The following ABCA2 variants were observed in gnomAD, a reference collection of about 807,000 sequenced individuals.
ABCA2 encodes the protein ATP-binding cassette sub-family A member 2.
Under a neutral mutation model 262.8 loss-of-function variants are expected in ABCA2, and 84 were observed. The observed-to-expected ratio is 0.32, with a 90% confidence interval of 0.27 to 0.38. The LOEUF is 0.38. ABCA2 is among the 10% of genes least tolerant of loss of function. ABCA2 has a pLI of 1.00. For missense variants in ABCA2, 2,662 were observed against 3,405.9 expected (o/e 0.78, Z 5.44); for synonymous variants, 1,696 against 1,502.9 (o/e 1.13, Z -2.97).
At position 137,011,010 on chromosome 9, in the gene ABCA2, T is replaced by C; in HGVS notation, c.6019A>G (p.Thr2007Ala). The change falls in exon 39 of 49, where the codon ACC (threonine) becomes GCC (alanine). Residue 2007 changes from threonine to alanine, a missense_variant. Physicochemically the swap from Thr to Ala is moderately conservative, Grantham distance 58. Transcript: ENST00000341511. This position sits in a 1 kb window ranked among gnomAD's most constrained non-coding sequence, Gnocchi z 8.8. ...AGGAAGTTGTACTGGCACATGATGG[T>C]CAGGAGGAAGCCCACGACGCCCTCA... ...AVEGVVGFLL[T>A]IMCQYNFLRR... 1 of 1,592,834 alleles carries C rather than the reference T, an allele frequency of 6.3e-7. No homozygotes were observed. Among genetic ancestry groups the C allele is most frequent in the Non-Finnish European group, 8.5e-7 (1 of 1,171,512 alleles).
chr9:137,016,422 G>C lies in ABCA2; in HGVS notation c.2973C>G (p.Val991=). 6.2e-7 allele frequency: 1 copy of C among 1,612,878 alleles called. No homozygotes were observed. The highest frequency in any genetic ancestry group is 8.5e-7 in the Non-Finnish European group (1 of 1,179,982). Residue 991 remains valine, a synonymous_variant, in exon 21 of 49, where the codon GTC becomes GTG. Transcript: ENST00000341511. ...AGACCTTGGTGAGTTTGTCCACGCA[G>C]ACAACCAGAGGCAGGTGGGTGGGCT... ...EEEPTHLPLV[V]CVDKLTKVYK...
chr9:137,025,493 T>C (rs901998813), intron 1 of ABCA2, among the ~76,000 whole-genome samples: 21 of 152,232 alleles, frequency 1.4e-4, no homozygotes, highest in African/African-American at 4.8e-4. Context: ...CCCCGGTCCC[T>C]GGGGTGGGGG....
rs367716309 is a variant in ABCA2, at chr9:137,009,505, G to T, written c.6734+36C>A. On this transcript the variant is annotated intron_variant, in intron 44 of 48. Transcript: ENST00000341511. ...GCTGGCACCGGAAGGGGTGCTGTGG[G>T]GTGGGGGCACAAAGAGGGGGTGGGG... The T allele has an allele frequency of 4.5e-5, 73 of 1,612,096 alleles. No individual in the cohort carries two copies. The South Asian group carries it at 6.1e-4, about 14-fold the overall frequency.
chr9:137,028,756 G>A (rs752591834), upstream of ABCA2: 1 of 1,284,974 alleles, frequency 7.8e-7, no homozygotes, highest in Non-Finnish European at 1.0e-6. This position sits in a 1 kb window ranked among gnomAD's most constrained non-coding sequence, Gnocchi z 6.9. Flanking sequence ...TCCGTCCCGC[G>A]ATTCCGAGCA....
At chr9:137,018,399 A>T in intron 13 of ABCA2, 48 bp from the exon 14 acceptor site, 2 of 343,054 alleles carry the variant, frequency 5.8e-6, no homozygotes, top group Non-Finnish European at 7.6e-6. Context: ...GGCGGGACCA[A>T]GGCGTGGTGG....
intron 29 of ABCA2, 58 bp downstream of exon 29, chr9:137,013,403 C>T (rs1382076334): frequency 4.0e-6 from 6 of 1,516,662 alleles, no homozygotes; most frequent in South Asian, 1.2e-5. Context: ...CCCACCAAGG[C>T]TGTCCCCGCC....
rs1002248853 is a variant in ABCA2, at chr9:137,012,503, C to T, written c.5169G>A (p.Ala1723=). ...TRAPPMVRKI[A]VRRAAQVFYN... is the part of the protein sequence containing the mutation. Reference sequence around the variant, plus strand: ...CGCTCACCTGGGCAGCCCTGCGCACCGCGATCTTCCGCACCATGGGTGGGG... The same window carrying T: ...CGCTCACCTGGGCAGCCCTGCGCACTGCGATCTTCCGCACCATGGGTGGGG... Residue 1723 remains alanine, a synonymous_variant, in exon 32 of 49, where the codon GCG becomes GCA. Transcript: ENST00000341511. 8.1e-6 allele frequency: 13 copies of T among 1,611,496 alleles called. No individual in the cohort carries two copies. In the East Asian group the frequency reaches 1.6e-4, roughly 19 times the overall value.
chr9:137,028,716 C>T, upstream of ABCA2: 1 of 1,256,750 alleles, frequency 8.0e-7, no homozygotes, highest in East Asian at 6.6e-5. The surrounding 1 kb of genome is among the most constrained non-coding windows in gnomAD (Gnocchi z 6.9). Context: ...GTGGTGCCCA[C>T]CTGGAAGGGA....
intron 3 of ABCA2, chr9:137,023,290 T>A (rs1831542989): frequency 3.1e-6 from 2 of 644,666 alleles, no homozygotes; most frequent in Non-Finnish European, 2.8e-6. Context: ...CCACCCCTTC[T>A]GCCATAACTC....
chr9:137,028,727 G>A (rs1831752484), upstream of ABCA2: 1 of 1,265,360 alleles, frequency 7.9e-7, no homozygotes, highest in African/African-American at 1.6e-5. This position sits in a 1 kb window ranked among gnomAD's most constrained non-coding sequence, Gnocchi z 6.9. Context: ...CTGGAAGGGA[G>A]GCAGGGCGGC....
At chr9:137,028,678 G>A (rs1831750562), upstream of ABCA2, 1 of 1,195,544 alleles carries the variant, frequency 8.4e-7, no homozygotes. The surrounding 1 kb of genome is among the most constrained non-coding windows in gnomAD (Gnocchi z 6.9). Flanking sequence ...TCTCCTGTGT[G>A]CTTTGTAAAC....
At position 137,022,973 on chromosome 9, in the gene ABCA2, G is replaced by A. The variant is rs774123167; in HGVS notation, c.243C>T (p.Asp81=). Residue 81 remains aspartate, a synonymous_variant, in exon 4 of 49, where the codon GAC becomes GAT. Transcript: ENST00000341511. ...TGGCGTACTGCAGGAAGCCGAACTC[G>A]TCTCGCTGGCCGTCCGGGCACAGCG... ...MQSLCPDGQR[D]EFGFLQYANS... is the part of the protein sequence containing the mutation. 1.9e-5 allele frequency: 30 copies of A among 1,589,216 alleles called. No homozygotes were observed. The highest frequency in any genetic ancestry group is 1.1e-4 in the Admixed American group (6 of 56,372).
chr9:137,011,360 C>T lies in ABCA2; in HGVS notation c.5799+47G>A. On this transcript the variant is annotated intron_variant, in intron 37 of 48. Coordinates refer to ENST00000341511, the MANE Select transcript of ABCA2 (RefSeq NM_001606.5). This position sits in a 1 kb window ranked among gnomAD's most constrained non-coding sequence, Gnocchi z 8.8. ...ACAGGGGTGGCCGGGGTGAGGGGCA[C>T]AGCCTCCGCAGGGTCCGCCACCCCC... is the stretch of plus-strand genomic sequence containing the variant. The T allele has an allele frequency of 2.5e-6, 4 of 1,604,756 alleles. No homozygotes were observed. Among genetic ancestry groups the T allele is most frequent in the Non-Finnish European group, 1.7e-6 (2 of 1,175,266 alleles).
chr9:137,023,081 C>CG lies in ABCA2; in HGVS notation c.164-30dup, dbSNP rs1564231431. 2.0e-6 allele frequency: 3 copies of CG among 1,511,160 alleles called. No individual in the cohort carries two copies. In the Admixed American group the frequency reaches 5.9e-5, roughly 30 times the overall value. 93.6% of individuals were successfully genotyped at this position (1,511,160 alleles called of 1,614,324 possible). A position where few individuals can be genotyped will look rare whatever the true frequency, so the allele number is the denominator to read the frequency against. On this transcript the variant is annotated intron_variant, in intron 3 of 48. Transcript: ENST00000341511. ...GCAGACCCACGGGAGAGGGCAGGGT[C>CG]GGGGGTGAAAGGGGAGAGAGAGAGA...
Position 137,014,266 on chromosome 9 carries a change from G to A in ABCA2, c.4142C>T (p.Ser1381Phe). 17 of 1,611,394 alleles carry A rather than the reference G, an allele frequency of 1.1e-5. No homozygotes were observed. Among genetic ancestry groups the A allele is most frequent in the Non-Finnish European group, 1.4e-5 (17 of 1,179,416 alleles). Residue 1381 changes from serine to phenylalanine, a missense_variant, in exon 27 of 49, where the codon TCT (serine) becomes TTT (phenylalanine). By Grantham distance (155) the Ser-to-Phe change is radical. Coordinates refer to ENST00000341511, the MANE Select transcript of ABCA2 (RefSeq NM_001606.5). ...GCCAGCTCCCTCGTCGCCACGGGCA[G>A]AGCCCACAGATGACGCCGACTGCAG... Reference protein sequence around the residue: ...ASLQSASSVGSARGDEGAGYT... With the variant: ...ASLQSASSVGFARGDEGAGYT...
Position 137,024,130 on chromosome 9 carries a change from C to T in ABCA2, c.160+13G>A. The T allele has an allele frequency of 1.2e-6, 2 of 1,601,264 alleles. No individual in the cohort carries two copies. Among genetic ancestry groups the T allele is most frequent in the East Asian group, 4.5e-5 (2 of 44,496 alleles). On this transcript the variant is annotated intron_variant, in intron 2 of 48. Coordinates refer to ENST00000341511, the MANE Select transcript of ABCA2 (RefSeq NM_001606.5). ...CTCCCCCGGCTGTGCCTGGGGCCTCCTGCCGCACTCACCTTCCTTCACGGA... is the reference window on the plus strand; with the variant it reads ...CTCCCCCGGCTGTGCCTGGGGCCTCTTGCCGCACTCACCTTCCTTCACGGA...
Position 137,018,812 on chromosome 9 carries a change from T to C in ABCA2, c.1726A>G (p.Ser576Gly). ...GGGAAGCCCTTGAAGATGTCCACGC[T>C]CACCTAGCGGGAGGGGCATCGCTGG... ...CGWIQFMSKV[S>G]VDIFKGFPDE... is the part of the protein sequence containing the mutation. The change falls in exon 13 of 49, where the codon AGC becomes GGC. Residue 576 changes from serine to glycine, a missense_variant. This residue lies in a region of ABCA2 where 187 missense variants were observed against 205.9 expected (regional missense o/e 0.91). Coordinates refer to ENST00000341511, the MANE Select transcript of ABCA2 (RefSeq NM_001606.5). The C allele has an allele frequency of 1.2e-6, 2 of 1,612,568 alleles. No individual in the cohort carries two copies. The highest frequency in any genetic ancestry group is 1.1e-5 in the South Asian group (1 of 91,082).
At position 137,012,582 on chromosome 9, in the gene ABCA2, G is replaced by T; in HGVS notation, c.5090C>A (p.Ala1697Asp). Reference protein sequence around the residue: ...SDRFRLHRYGAITFGNVLKSI... With the variant: ...SDRFRLHRYGDITFGNVLKSI... ...CTTCAGGACGTTTCCAAAGGTGATG[G>T]CCCCATACCTGGGCAGGCAGGTGGG... Residue 1697 changes from alanine (A) to aspartate (D), a missense_variant, in exon 32 of 49, where the codon GCC (alanine) becomes GAC (aspartate). Ala to Asp is a moderately radical substitution (Grantham distance 126). This residue lies in a region of ABCA2 where 602 missense variants were observed against 897.4 expected (regional missense o/e 0.67). Coordinates refer to ENST00000341511, the MANE Select transcript of ABCA2 (RefSeq NM_001606.5). 1.2e-6 allele frequency: 2 copies of T among 1,611,740 alleles called. No homozygotes were observed. The highest frequency in any genetic ancestry group is 8.5e-7 in the Non-Finnish European group (1 of 1,179,888).
At position 137,011,168 on chromosome 9, in the gene ABCA2, C is replaced by T. The variant is rs747768886; in HGVS notation, c.5923+18G>A. 6.8e-6 allele frequency: 11 copies of T among 1,612,312 alleles called. No homozygotes were observed. The South Asian group carries it at 1.2e-4, about 18-fold the overall frequency. On this transcript the variant is annotated intron_variant, in intron 38 of 48. Coordinates refer to ENST00000341511, the MANE Select transcript of ABCA2 (RefSeq NM_001606.5). This position sits in a 1 kb window ranked among gnomAD's most constrained non-coding sequence, Gnocchi z 8.8. Reference sequence around the variant, plus strand: ...TGCGGGGCCCCCACCGCCTTCCCCGCCCCACGGGCCCCCTCACCAATCTTG... The same window carrying T: ...TGCGGGGCCCCCACCGCCTTCCCCGTCCCACGGGCCCCCTCACCAATCTTG...
Sources: allele counts gnomAD v4.1 joint callset (sites outside exome capture counted in the v4.1 genomes callset), GRCh38; gene constraint gnomAD v4.1.1; regional missense constraint gnomAD v4.1.1; non-coding constraint Gnocchi (gnomAD v3.1); transcripts MANE v1.5; gene names NCBI Gene and HGNC (gene_info 2026-07-23, HGNC 2026-07-21).